The following AVEN variants were observed in gnomAD, a reference collection of about 807,000 sequenced individuals.
The protein encoded by AVEN is apoptosis and caspase activation inhibitor.
In AVEN, 41 loss-of-function variants were observed where a neutral mutation model predicts 38.1. The ratio of observed to expected loss-of-function variants is 1.08; its 90% CI spans 0.84 to 1.40. The LOEUF (loss-of-function observed/expected upper bound fraction) is 1.40, where lower values mean the gene tolerates loss of function less well. AVEN is among the 40% of genes most tolerant of loss of function. The pLI, the probability that AVEN is intolerant of heterozygous loss-of-function variation, is 0.00. For missense variants in AVEN, 605 were observed against 438.8 expected (o/e 1.38, Z -3.38); for synonymous variants, 206 against 171.8 (o/e 1.20, Z -1.56).
downstream of AVEN, among the ~76,000 whole-genome samples, chr15:33,864,416 G>C (rs932285526): frequency 6.6e-6 from 1 of 151,236 alleles, no homozygotes; most frequent in African/African-American, 2.4e-5. Context: ...CAGACTAGAA[G>C]AGCTGGAGGT....
At chr15:33,870,876 C>T in intron 4 of AVEN, 59 bp downstream of exon 4, 1 of 1,257,314 alleles carries the variant, frequency 8.0e-7, no homozygotes, top group Non-Finnish European at 1.1e-6. Flanking sequence ...GGAAGTGTTC[C>T]CCTCTTTTTC....
chr15:33,946,451 G>A (rs944451013), intron 2 of AVEN, among the ~76,000 whole-genome samples: 3 of 152,064 alleles, frequency 2.0e-5, no homozygotes, highest in Non-Finnish European at 1.5e-5. Flanking sequence ...ACTGATAATC[G>A]GGCAAGCAAT....
chr15:34,054,185 C>T (rs1383707268), intron 5 of AVEN, among the ~76,000 whole-genome samples: 1 of 152,132 alleles, frequency 6.6e-6, no homozygotes, highest in African/African-American at 2.4e-5. Flanking sequence ...ACAACAGATG[C>T]TGGCAAGGCT....
rs548590642 is a variant in AVEN, at chr15:33,994,396, T to A, written c.445+8636A>T. Among the ~76,000 whole-genome samples, 19 of 152,284 alleles carry A rather than the reference T, an allele frequency of 1.2e-4. No individual in the cohort carries two copies. The South Asian group carries it at 3.9e-3, about 32-fold the overall frequency. On this transcript the variant is annotated intron_variant, in intron 2 of 5. Coordinates refer to ENST00000306730, the MANE Select transcript of AVEN (RefSeq NM_020371.3). ...AAACAAGCTTAGGACTCCCATTGAG[T>A]CTACATTATGGTGAGTTGTATAATT...
chr15:34,060,803 G>A (rs1207891349), intron 5 of AVEN, among the ~76,000 whole-genome samples: 3 of 152,168 alleles, frequency 2.0e-5, no homozygotes, highest in African/African-American at 7.2e-5. Context: ...CCAAGGGGCA[G>A]AGGTTGCAGT....
chr15:33,864,256 C>A, downstream of AVEN: 1 of 1,243,000 alleles, frequency 8.0e-7, no homozygotes, highest in Non-Finnish European at 1.1e-6. Flanking sequence ...CTTAGTAGGG[C>A]ATAGGTTATC....
downstream of AVEN, chr15:33,856,523 A>C (rs1056930523): frequency 6.6e-6 from 1 of 152,320 alleles, no homozygotes; most frequent in Non-Finnish European, 1.5e-5. Flanking sequence ...TGTAATAAAA[A>C]GTGTGACTCA....
chr15:33,933,391 A>C (rs1387572458), intron 2 of AVEN, among the ~76,000 whole-genome samples: 1 of 151,884 alleles, frequency 6.6e-6, no homozygotes, highest in African/African-American at 2.4e-5. Context: ...AGAGAAATGA[A>C]TGTGGATGCT....
At chr15:33,890,017 G>A (rs971242141) in intron 2 of AVEN, among the ~76,000 whole-genome samples, 2 of 152,228 alleles carry the variant, frequency 1.3e-5, no homozygotes, top group Non-Finnish European at 2.9e-5. Context: ...TGGCCACAAG[G>A]TGTCAAGGCG....
chr15:33,862,950 T>C (rs1597129888), downstream of AVEN, among the ~76,000 whole-genome samples: 5 of 152,250 alleles, frequency 3.3e-5, no homozygotes, highest in Non-Finnish European at 1.5e-5. Context: ...ATAACTTTAC[T>C]GTGCCCTTCC....
At chr15:33,903,082 T>TA (rs1275237138) in intron 2 of AVEN, among the ~76,000 whole-genome samples, 1 of 152,224 alleles carries the variant, frequency 6.6e-6, no homozygotes, top group Admixed American at 6.5e-5. Context: ...AAATTCTAGA[T>TA]ACTTCTTTTC....
downstream of AVEN, chr15:33,857,680 C>A: frequency 6.8e-6 from 10 of 1,467,994 alleles, no homozygotes; most frequent in Non-Finnish European, 9.3e-6. Flanking sequence ...TCTCCTTGCC[C>A]GTCCTCACTC....
chr15:33,863,593 C>T (rs1310744642), downstream of AVEN, among the ~76,000 whole-genome samples: 3 of 152,154 alleles, frequency 2.0e-5, no homozygotes, highest in Non-Finnish European at 2.9e-5. Context: ...CAAACTCAAA[C>T]CTAAGATATG....
intron 2 of AVEN, among the ~76,000 whole-genome samples, chr15:33,948,469 A>C (rs1285404166): frequency 6.6e-6 from 1 of 152,154 alleles, no homozygotes; most frequent in East Asian, 1.9e-4. Context: ...AGATGCAAGG[A>C]AGCATAAAAA....
At chr15:33,995,858 G>A (rs184033995) in intron 2 of AVEN, among the ~76,000 whole-genome samples, 27 of 152,326 alleles carry the variant, frequency 1.8e-4, no homozygotes, top group East Asian at 5.8e-4. Context: ...CACGGAGGGC[G>A]AGCTGAAGCG....
At chr15:34,029,296 G>C (rs1567477091) in intron 1 of AVEN, among the ~76,000 whole-genome samples, 1 of 152,032 alleles carries the variant, frequency 6.6e-6, no homozygotes. Context: ...TTCTTTCCAA[G>C]GTATGTAAAA....
At chr15:33,892,457 T>A (rs575233812) in intron 2 of AVEN, among the ~76,000 whole-genome samples, 1 of 152,008 alleles carries the variant, frequency 6.6e-6, no homozygotes, top group East Asian at 1.9e-4. Context: ...CTAGCCAGTT[T>A]TACCAGCACC....
chr15:33,852,969 C>G, the AVEN span: 35 of 1,307,780 alleles, frequency 2.7e-5, no homozygotes, highest in South Asian at 4.4e-4. Context: ...TCCAGGCACT[C>G]AAACTGAAAC....
chr15:33,899,512 C>T (rs144893541), intron 2 of AVEN, among the ~76,000 whole-genome samples: 2,727 of 108,036 alleles, frequency 0.025, 65 homozygotes, highest in African/African-American at 0.077. Context: ...CTCTGTCATC[C>T]AGGCTGGAGT....
Sources: allele counts gnomAD v4.1 joint callset (sites outside exome capture counted in the v4.1 genomes callset), GRCh38; gene constraint gnomAD v4.1.1; transcripts MANE v1.5; gene names NCBI Gene and HGNC (gene_info 2026-07-23, HGNC 2026-07-21).